IL13RA1: variants seen among roughly 807,000 people sequenced by gnomAD.
IL13RA1 encodes the protein interleukin-13 receptor subunit alpha-1.
In IL13RA1, 14 loss-of-function variants were observed where a neutral mutation model predicts 33.8. The observed-to-expected ratio is 0.41, with a 90% CI of 0.27 to 0.65. The LOEUF is 0.65. IL13RA1 is among the 30% of genes least tolerant of loss of function. The probability of loss-of-function intolerance (pLI) is 0.28; values close to 1 mark genes in which losing one functional copy is unlikely to be tolerated. For synonymous variants in IL13RA1, 116 were observed against 115.7 expected (o/e 1.00, Z -0.02); for missense variants, 313 against 327.0 (o/e 0.96, Z 0.33).
intron 10 of IL13RA1, among the ~76,000 whole-genome samples, chrX:118,786,583 A>C (rs1390673284): frequency 9.0e-6 from 1 of 111,509 alleles, no homozygotes; most frequent in African/African-American, 3.3e-5. Flanking sequence ...TTTTAGAAGG[A>C]GGCTTGATTG....
At chrX:118,779,604 A>G in intron 10 of IL13RA1, among the ~76,000 whole-genome samples, 1 of 111,721 alleles carries the variant, frequency 9.0e-6, no homozygotes, top group Non-Finnish European at 1.9e-5. Flanking sequence ...ACCTTTCTAA[A>G]ATTTCCAGAT....
At position 118,749,899 on chromosome X, in the gene IL13RA1, CAG is replaced by C. The variant is rs1056039945; in HGVS notation, c.488+122_488+123del. On this transcript the variant is annotated intron_variant, in intron 4 of 10. Transcript: ENST00000371666. Reference sequence around the variant, plus strand: ...TTTTCTGCAAACTCAACAAGATGGACAGTTTGCTTCAATGAAAAATGCATCTG... The same window carrying C: ...TTTTCTGCAAACTCAACAAGATGGACTTTGCTTCAATGAAAAATGCATCTG... 3 of 451,603 alleles carry C rather than the reference CAG, an allele frequency of 6.6e-6. No individual in the cohort carries two copies. The African/African-American group carries it at 7.2e-5, about 11-fold the overall frequency. 37.2% of individuals were successfully genotyped at this position (451,603 alleles called of 1,213,427 possible). A position where few individuals can be genotyped will look rare whatever the true frequency, so the allele number is the denominator to read the frequency against.
At chrX:118,746,312 G>T (rs1442403278) in intron 2 of IL13RA1, among the ~76,000 whole-genome samples, 1 of 110,386 alleles carries the variant, frequency 9.1e-6, no homozygotes, top group Non-Finnish European at 1.9e-5. Context: ...ATGGGGTTTT[G>T]CCATTTTGCC....
rs1198794102 is a variant in IL13RA1 at position 118,784,123 on chromosome X, A to ATATACG, written c.1191+7616_1191+7617insCGTATA. Among the ~76,000 whole-genome samples the ATATACG allele has an allele frequency of 1.8e-3, 41 of 22,194 alleles. 1 individual carries two copies. The East Asian group carries it at 0.18, about 100-fold the overall frequency. 19.3% of individuals were successfully genotyped at this position (22,194 alleles called of 115,157 possible). A position where few individuals can be genotyped will look rare whatever the true frequency, so the allele number is the denominator to read the frequency against. Reference sequence around the variant, plus strand: ...TATATATATATACGTATATATGTATATATATGTATATATATATATATATAC... The same window carrying ATATACG: ...TATATATATATACGTATATATGTATATATACGTATATGTATATATATATATATATAC... On this transcript the variant is annotated intron_variant, in intron 10 of 10. Transcript: ENST00000371666.
At position 118,753,324 on chromosome X, in the gene IL13RA1, C is replaced by A. The variant is rs1468278025; in HGVS notation, c.488+3546C>A. The stretch of plus-strand genomic sequence containing the variant: ...TGAATGAATTACAAAAAAACCTGGA[C>A]TGACCAATTTGAAAAAGCATTCCTC... On this transcript the variant is annotated intron_variant, in intron 4 of 10. Coordinates refer to ENST00000371666, the MANE Select transcript of IL13RA1 (RefSeq NM_001560.3). Among the ~76,000 whole-genome samples the A allele has an allele frequency of 2.7e-5, 3 of 112,620 alleles. No homozygotes were observed. The Admixed American group carries it at 2.8e-4, about 11-fold the overall frequency.
chrX:118,777,924 G>A (rs2017803744), intron 10 of IL13RA1, among the ~76,000 whole-genome samples: 1 of 111,790 alleles, frequency 8.9e-6, no homozygotes, highest in African/African-American at 3.3e-5. Flanking sequence ...GTAGATAATA[G>A]CCTGATTTCT....
chrX:118,781,594 C>T (rs1303417770), intron 10 of IL13RA1, among the ~76,000 whole-genome samples: 15 of 112,606 alleles, frequency 1.3e-4, no homozygotes, highest in Middle Eastern at 4.7e-3. Flanking sequence ...TCAGGTGGTC[C>T]GCCCGCCTTG....
At chrX:118,775,561 T>C (rs917313662) in intron 9 of IL13RA1, among the ~76,000 whole-genome samples, 1 of 111,468 alleles carries the variant, frequency 9.0e-6, no homozygotes, top group Non-Finnish European at 1.9e-5. Flanking sequence ...GGGTTAGCAA[T>C]GGAGATAGCA....
chrX:118,772,633 G>A (rs1375693807), intron 8 of IL13RA1, among the ~76,000 whole-genome samples: 1 of 111,555 alleles, frequency 9.0e-6, no homozygotes, highest in African/African-American at 3.3e-5. Context: ...CAGTTTATTT[G>A]CTAAAAGCAA....
chrX:118,784,839 T>C (rs2017898089), intron 10 of IL13RA1, among the ~76,000 whole-genome samples: 2 of 111,917 alleles, frequency 1.8e-5, no homozygotes, highest in African/African-American at 6.5e-5. Context: ...TCTTCTGGCA[T>C]AATATGTTTT....
chrX:118,797,441 C>T (rs995614060), downstream of IL13RA1, among the ~76,000 whole-genome samples: 1 of 111,646 alleles, frequency 9.0e-6, no homozygotes, highest in Non-Finnish European at 1.9e-5. Context: ...TTGCATCTAA[C>T]AAATATTTCT....
intron 9 of IL13RA1, 141 bp downstream of exon 9, chrX:118,774,116 C>T (rs1404093749): frequency 2.6e-5 from 10 of 384,567 alleles, no homozygotes; most frequent in Middle Eastern, 3.9e-4. Context: ...TATGACATGA[C>T]AAGGAAGTAT....
intron 4 of IL13RA1, among the ~76,000 whole-genome samples, chrX:118,757,518 C>CT (rs1235706244): frequency 1.5e-5 from 1 of 66,920 alleles, no homozygotes; most frequent in Non-Finnish European, 2.5e-5. Context: ...GAGTGAGACT[C>CT]TGTCTCAAAA....
At chrX:118,781,048 T>C (rs2017837817) in intron 10 of IL13RA1, among the ~76,000 whole-genome samples, 1 of 111,901 alleles carries the variant, frequency 8.9e-6, no homozygotes. Flanking sequence ...TGTTCATTAC[T>C]ATAGTAATGT....
intron 2 of IL13RA1, among the ~76,000 whole-genome samples, chrX:118,743,316 G>T (rs1335374199): frequency 8.9e-6 from 1 of 111,884 alleles, no homozygotes; most frequent in Non-Finnish European, 1.9e-5. Flanking sequence ...GGGGGCTTAG[G>T]AAAATGTTCA....
At chrX:118,733,688 T>A (rs778566260) in intron 1 of IL13RA1, among the ~76,000 whole-genome samples, 1 of 112,209 alleles carries the variant, frequency 8.9e-6, no homozygotes, top group Admixed American at 9.5e-5. Context: ...TCCAAGAAAT[T>A]GTTGCTGAAT....
In IL13RA1 at chrX:118,793,068, C is replaced by T. The variant is rs1458901393; in HGVS notation, c.*1214C>T. ...TCATTTTTCAGACCTTTTAACTCCT[C>T]AATTCCAACACTGATTTCCCCTTTT... On this transcript the variant is annotated 3_prime_UTR_variant, in exon 11 of 11. Coordinates refer to ENST00000371666, the MANE Select transcript of IL13RA1 (RefSeq NM_001560.3). 2 of 111,285 alleles carry T rather than the reference C, an allele frequency of 1.8e-5. No individual in the cohort carries two copies. Among genetic ancestry groups the T allele is most frequent in the African/African-American group, 6.6e-5 (2 of 30,399 alleles). The allele number at this position is 111,285 out of a possible 1,213,427, so 9.2% of individuals were successfully genotyped here. A position where few individuals can be genotyped will look rare whatever the true frequency, so the allele number is the denominator to read the frequency against.
intron 6 of IL13RA1, among the ~76,000 whole-genome samples, chrX:118,764,535 T>C (rs1449468170): frequency 1.4e-4 from 16 of 110,353 alleles, no homozygotes; most frequent in Non-Finnish European, 1.9e-5. Flanking sequence ...CTTCATCATT[T>C]GCTTGGCCTC....
chrX:118,757,725 C>G (rs1439461269), intron 4 of IL13RA1, among the ~76,000 whole-genome samples: 1 of 73,178 alleles, frequency 1.4e-5, no homozygotes, highest in Non-Finnish European at 2.4e-5. Context: ...GGGTCTTACT[C>G]GGTCACCCAG....
Sources: allele counts gnomAD v4.1 joint callset (sites outside exome capture counted in the v4.1 genomes callset), GRCh38; gene constraint gnomAD v4.1.1; transcripts MANE v1.5; gene names NCBI Gene and HGNC (gene_info 2026-07-23, HGNC 2026-07-21).